Variants in OTUD4 observed in about 807,000 individuals in gnomAD.
OTUD4 encodes OTU deubiquitinase 4, also known as OTU domain-containing protein 4.
In OTUD4, 24 loss-of-function variants were observed where a neutral mutation model predicts 130.4. That is an observed-to-expected ratio of 0.18 (90% confidence interval 0.13 to 0.26). OTUD4 has a LOEUF of 0.26. Ranked by LOEUF, OTUD4 falls within the 10% of genes least tolerant of loss-of-function variation. OTUD4 has a pLI of 1.00. For missense variants in OTUD4, 1,031 were observed against 1,329.4 expected, an observed-to-expected ratio of 0.78 and a Z score of 3.49; for synonymous variants, 420 against 472.5, an observed-to-expected ratio of 0.89 and a Z score of 1.44.
At chr4:145,164,563 T>A (rs1419706384) in intron 4 of OTUD4, among the ~76,000 whole-genome samples, 1 of 152,126 alleles carries the variant, frequency 6.6e-6, no homozygotes, top group Non-Finnish European at 1.5e-5. Flanking sequence ...TAGGCAAAAG[T>A]AGCAAAATTG....
intron 5 of OTUD4, among the ~76,000 whole-genome samples, chr4:145,163,381 T>G (rs1579276680): frequency 6.6e-6 from 1 of 152,204 alleles, no homozygotes; most frequent in Non-Finnish European, 1.5e-5. Flanking sequence ...TGATCTTTCT[T>G]TCTAGGCTTC....
chr4:145,179,754 C>A (rs373120829), intron 1 of OTUD4, 61 bp downstream of exon 1: 7 of 1,439,220 alleles, frequency 4.9e-6, no homozygotes, highest in Non-Finnish European at 6.4e-6. Flanking sequence ...TGCCTCCCCA[C>A]CCAGACCCGC....
chr4:145,144,214 TAAC>T (rs1750715340), intron 15 of OTUD4, 94 bp downstream of exon 15: 4 of 1,350,806 alleles, frequency 3.0e-6, no homozygotes, highest in South Asian at 1.4e-5. Flanking sequence ...ATAAACTACT[TAAC>T]AACTTAAAAA....
In OTUD4 at chr4:145,133,782, G is replaced by C. The variant is rs1245552034; in HGVS notation, c.*3648C>G. ...TCTTAAGGCTACAAAACAGAACATA[G>C]AAAAATAAACAGGAATATATTCAAC... On this transcript the variant is annotated 3_prime_UTR_variant, in exon 21 of 21. Transcript: ENST00000447906. 1 of 152,332 alleles carries C rather than the reference G, an allele frequency of 6.6e-6. No homozygotes were observed. The highest frequency in any genetic ancestry group is 1.5e-5 in the Non-Finnish European group (1 of 67,956). The allele number at this position is 152,332 out of a possible 1,614,324, so 9.4% of individuals were successfully genotyped here.
intron 1 of OTUD4, 36 bp downstream of exon 1, chr4:145,179,779 C>T: frequency 2.9e-6 from 4 of 1,373,752 alleles, no homozygotes; most frequent in Non-Finnish European, 3.9e-6. Context: ...CCGTCCCCGC[C>T]TCCCCTCGAA....
intron 1 of OTUD4, among the ~76,000 whole-genome samples, chr4:145,176,534 A>C (rs1360711903): frequency 7.7e-6 from 1 of 130,356 alleles, no homozygotes; most frequent in African/African-American, 2.9e-5. Flanking sequence ...TAAAAAATAC[A>C]AAAAAAAAAA....
chr4:145,163,723 T>C (rs78098975), intron 5 of OTUD4, among the ~76,000 whole-genome samples: 2 of 149,918 alleles, frequency 1.3e-5, no homozygotes, highest in South Asian at 2.1e-4. Flanking sequence ...TTTTTTTTTT[T>C]AAGACGGAGG....
At chr4:145,144,478 CCA>C (rs1395670751) in intron 14 of OTUD4, 44 bp from the exon 15 acceptor site, 4 of 1,579,726 alleles carry the variant, frequency 2.5e-6, no homozygotes, top group Non-Finnish European at 3.4e-6. Context: ...AAAGATTTAC[CCA>C]CAGATACATG....
In OTUD4 at chr4:145,179,990, C is replaced by T. The variant is rs1234734462; in HGVS notation, c.-17G>A. ...AGCCTCCATGTTGCTGGTCCTGCTG[C>T]AGGCCAGGCGCGGCGAGGGCTAGCC... On this transcript the variant is annotated 5_prime_UTR_variant, in exon 1 of 21. Coordinates refer to ENST00000447906, the MANE Select transcript of OTUD4 (RefSeq NM_001366057.1). 1 of 1,488,358 alleles carries T rather than the reference C, an allele frequency of 6.7e-7. No individual in the cohort carries two copies. The highest frequency in any genetic ancestry group is 8.9e-7 in the Non-Finnish European group (1 of 1,128,722). The allele number at this position is 1,488,358 out of a possible 1,614,324, so 92.2% of individuals were successfully genotyped here.
chr4:145,162,268 A>T (rs749529016), intron 6 of OTUD4, among the ~76,000 whole-genome samples: 6 of 152,138 alleles, frequency 3.9e-5, no homozygotes, highest in Non-Finnish European at 8.8e-5. Context: ...TTAAGACTGT[A>T]TAAGGCCGGG....
At chr4:145,178,203 T>A (rs1003988575) in intron 1 of OTUD4, 2 of 152,172 alleles carry the variant, frequency 1.3e-5, no homozygotes, top group African/African-American at 4.8e-5. Flanking sequence ...CCCACTATAA[T>A]AAAAGAGGCT....
At chr4:145,153,980 G>A (rs925417865) in intron 10 of OTUD4, among the ~76,000 whole-genome samples, 1 of 152,146 alleles carries the variant, frequency 6.6e-6, no homozygotes, top group African/African-American at 2.4e-5. Flanking sequence ...AAGTAGTACA[G>A]ATAGAAATAA....
chr4:145,154,103 A>G (rs891337479), intron 10 of OTUD4, among the ~76,000 whole-genome samples: 4 of 152,266 alleles, frequency 2.6e-5, no homozygotes, highest in South Asian at 4.1e-4. Flanking sequence ...TTGACTTAAA[A>G]TAAGTAACAC....
intron 2 of OTUD4, among the ~76,000 whole-genome samples, chr4:145,172,472 C>G (rs1752217855): frequency 6.6e-6 from 1 of 152,160 alleles, no homozygotes; most frequent in African/African-American, 2.4e-5. Flanking sequence ...GTTACTTTGA[C>G]ATAAAAACAG....
At position 145,162,892 on chromosome 4, in the gene OTUD4, T is replaced by C. The variant is rs755132158; in HGVS notation, c.415-171A>G. The stretch of plus-strand genomic sequence containing the variant: ...GTCAAGCTACAGTACATCCATATGC[T>C]GAAATGTTATATAAACATTAAATCA... On this transcript the variant is annotated intron_variant, in intron 5 of 20. Transcript: ENST00000447906. Among the ~76,000 whole-genome samples the C allele has an allele frequency of 1.2e-4, 18 of 152,312 alleles. 1 individual carries two copies. The Middle Eastern group carries it at 0.02, about 173-fold the overall frequency.
At chr4:145,148,026 G>C (rs1020826146) in intron 13 of OTUD4, among the ~76,000 whole-genome samples, 1 of 152,178 alleles carries the variant, frequency 6.6e-6, no homozygotes, top group Admixed American at 6.5e-5. Context: ...AATACCACTA[G>C]GTTCTAATGT....
At chr4:145,177,214 T>C (rs539481811) in intron 1 of OTUD4, among the ~76,000 whole-genome samples, 8 of 152,322 alleles carry the variant, frequency 5.3e-5, no homozygotes, top group Admixed American at 5.2e-4. Context: ...AACGTGGAGC[T>C]AGTCTTAAAG....
chr4:145,149,892 CAAAT>C (rs1750988743), intron 13 of OTUD4, among the ~76,000 whole-genome samples: 2 of 152,240 alleles, frequency 1.3e-5, no homozygotes, highest in South Asian at 2.1e-4. Context: ...CACAGCCTCT[CAAAT>C]AAAGCTCTTC....
At position 145,179,800 on chromosome 4, in the gene OTUD4, C is replaced by A. The variant is rs1050058486; in HGVS notation, c.159+15G>T. 1.3e-6 allele frequency: 2 copies of A among 1,501,220 alleles called. No individual in the cohort carries two copies. Among genetic ancestry groups the A allele is most frequent in the African/African-American group, 1.4e-5 (1 of 69,966 alleles). The allele number at this position is 1,501,220 out of a possible 1,614,324, so 93.0% of individuals were successfully genotyped here. A position where few individuals can be genotyped will look rare whatever the true frequency, so the allele number is the denominator to read the frequency against. Reference sequence around the variant, plus strand: ...CCGCCTCCCCTCGAAGCCCTCCCCGCCCCCCCGCAATTACCTGCTCCGCCA... The same window carrying A: ...CCGCCTCCCCTCGAAGCCCTCCCCGACCCCCCGCAATTACCTGCTCCGCCA... On this transcript the variant is annotated intron_variant, in intron 1 of 20. Transcript: ENST00000447906.
Sources: allele counts gnomAD v4.1 joint callset (sites outside exome capture counted in the v4.1 genomes callset), GRCh38; gene constraint gnomAD v4.1.1; transcripts MANE v1.5; gene names NCBI Gene and HGNC (gene_info 2026-07-23, HGNC 2026-07-21).